Variants in CAMK4 observed in about 807,000 individuals in gnomAD.
CAMK4 encodes the protein calcium/calmodulin dependent protein kinase IV, also known as calcium/calmodulin-dependent protein kinase type IV.
CAMK4 carries 22 observed loss-of-function variants against 44.9 expected under a neutral mutation model. That is an observed-to-expected ratio of 0.49 (90% CI 0.35 to 0.70). The LOEUF (loss-of-function observed/expected upper bound fraction) is 0.70. CAMK4 is among the 30% of genes least tolerant of loss of function. The pLI, the probability that CAMK4 is intolerant of heterozygous loss-of-function variation, is 0.01. For missense variants in CAMK4, 498 were observed against 586.8 expected, an observed-to-expected ratio of 0.85 and a Z score of 1.56; for synonymous variants, 218 against 215.4, an observed-to-expected ratio of 1.01 and a Z score of -0.11.
At chr5:111,406,224 C>CTCTCTG (rs55818377) in intron 5 of CAMK4, among the ~76,000 whole-genome samples, 1 of 148,158 alleles carries the variant, frequency 6.7e-6, no homozygotes, top group East Asian at 2.0e-4. Flanking sequence ...CTCTCTCTCT[C>CTCTCTG]GTTTTTGGTT....
rs767782600 is a variant in CAMK4, at chr5:111,344,014, C to G, written c.162-10C>G. On this transcript the variant is annotated splice_polypyrimidine_tract_variant and intron_variant, in intron 1 of 10. Transcript: ENST00000282356. ...CATAACATTTTCTTTTTGTCTTTTT[C>G]CCCCTCAAGGGGTGCTACATCCATT... is the stretch of plus-strand genomic sequence containing the variant. The G allele has an allele frequency of 6.5e-7, 1 of 1,547,910 alleles. No individual in the cohort carries two copies.
intron 1 of CAMK4, among the ~76,000 whole-genome samples, chr5:111,273,739 A>C (rs12719128): frequency 1.4e-5 from 2 of 140,032 alleles, no homozygotes; most frequent in Admixed American, 7.0e-5. Context: ...ACATACACAC[A>C]CACACGCTCA....
intron 5 of CAMK4, among the ~76,000 whole-genome samples, chr5:111,420,214 G>A (rs942750624): frequency 5.3e-5 from 8 of 152,040 alleles, no homozygotes; most frequent in African/African-American, 1.9e-4. Flanking sequence ...AATTGTGAAT[G>A]GGAGTTCACT....
chr5:111,454,415 C>G (rs998371732), intron 7 of CAMK4, among the ~76,000 whole-genome samples: 1 of 152,060 alleles, frequency 6.6e-6, no homozygotes, highest in African/African-American at 2.4e-5. Flanking sequence ...AAACAGGGCT[C>G]TCCTATAAGT....
At position 111,418,855 on chromosome 5, in the gene CAMK4, T is replaced by A. The variant is rs1038681235; in HGVS notation, c.459+24073T>A. Among the ~76,000 whole-genome samples the A allele has an allele frequency of 2.0e-5, 3 of 152,178 alleles. No homozygotes were observed. The South Asian group carries it at 6.2e-4, about 32-fold the overall frequency. On this transcript the variant is annotated intron_variant, in intron 5 of 10. Transcript: ENST00000282356. ...TCCAGTCTATTGTTGTTGGACATTT[T>A]GGTTGGTTCCAAGTCTTTGCTATTG...
At chr5:111,364,306 CTCTA>C (rs886999408) in intron 2 of CAMK4, among the ~76,000 whole-genome samples, 17 of 152,062 alleles carry the variant, frequency 1.1e-4, no homozygotes, top group Admixed American at 9.9e-4. Context: ...TCTTCTTCTG[CTCTA>C]TCTATCAGGT....
chr5:111,303,667 C>T (rs999765379), intron 1 of CAMK4, among the ~76,000 whole-genome samples: 4 of 143,236 alleles, frequency 2.8e-5, no homozygotes, highest in Non-Finnish European at 5.9e-5. Flanking sequence ...TTGGAAAACA[C>T]TCGGCAGGAT....
At chr5:111,307,999 A>G (rs1397339675) in intron 1 of CAMK4, among the ~76,000 whole-genome samples, 9 of 96,574 alleles carry the variant, frequency 9.3e-5, no homozygotes, top group African/African-American at 4.2e-4. Context: ...CTATCGCAAG[A>G]ACAAAAAACC....
intron 1 of CAMK4, among the ~76,000 whole-genome samples, chr5:111,228,459 C>T (rs1387365878): frequency 6.6e-6 from 1 of 150,908 alleles, no homozygotes; most frequent in East Asian, 1.9e-4. Context: ...TATAGGATCC[C>T]TTGCTATATG....
intron 5 of CAMK4, among the ~76,000 whole-genome samples, chr5:111,414,829 T>C (rs1752761627): frequency 6.6e-6 from 1 of 152,200 alleles, no homozygotes; most frequent in Non-Finnish European, 1.5e-5. Flanking sequence ...ATGAGACCTG[T>C]ATAAATAAAA....
At chr5:111,299,289 G>A (rs903715054) in intron 1 of CAMK4, among the ~76,000 whole-genome samples, 4 of 152,194 alleles carry the variant, frequency 2.6e-5, no homozygotes, top group Admixed American at 2.6e-4. Context: ...GTGCTTGGCT[G>A]GGAGCCACTA....
intron 5 of CAMK4, among the ~76,000 whole-genome samples, chr5:111,436,103 C>A (rs974761730): frequency 6.6e-6 from 1 of 152,022 alleles, no homozygotes; most frequent in South Asian, 2.1e-4. Flanking sequence ...ATAAGGATTG[C>A]TACTGAAAAC....
chr5:111,449,727 C>T (rs1754161499), intron 7 of CAMK4: 1 of 152,286 alleles, frequency 6.6e-6, no homozygotes, highest in Non-Finnish European at 1.5e-5. Context: ...ACGTTGAGCT[C>T]TTCACATCTT....
intron 3 of CAMK4, among the ~76,000 whole-genome samples, chr5:111,375,914 T>C (rs1203374485): frequency 6.6e-6 from 1 of 152,084 alleles, no homozygotes. Context: ...CTGCCAGTTC[T>C]CATAAGAAGA....
At chr5:111,276,067 T>TA (rs1430255148) in intron 1 of CAMK4, among the ~76,000 whole-genome samples, 1 of 152,202 alleles carries the variant, frequency 6.6e-6, no homozygotes, top group Non-Finnish European at 1.5e-5. Context: ...TATTTTCCTC[T>TA]AAAATCCCTC....
At chr5:111,354,615 A>G (rs60933132) in intron 2 of CAMK4, among the ~76,000 whole-genome samples, 4 of 38,414 alleles carry the variant, frequency 1.0e-4, no homozygotes, top group Non-Finnish European at 1.6e-4. Context: ...AGGCTGAGGC[A>G]GGAGAATCAC....
chr5:111,414,381 T>TCAGCAGCAG (rs997332616), intron 5 of CAMK4, among the ~76,000 whole-genome samples: 4 of 151,770 alleles, frequency 2.6e-5, no homozygotes, highest in Admixed American at 1.3e-4. Flanking sequence ...TCTCCACCTC[T>TCAGCAGCAG]CAGCAGCAGC....
intron 1 of CAMK4, among the ~76,000 whole-genome samples, chr5:111,240,014 G>T (rs1315071535): frequency 6.6e-6 from 1 of 152,140 alleles, no homozygotes; most frequent in Non-Finnish European, 1.5e-5. Context: ...TAGTATAACC[G>T]TAAGATTTTC....
intron 4 of CAMK4, among the ~76,000 whole-genome samples, chr5:111,386,846 G>C (rs1452629833): frequency 6.6e-6 from 1 of 152,218 alleles, no homozygotes; most frequent in African/African-American, 2.4e-5. Flanking sequence ...CAGATCTCCA[G>C]ATGTCTGCTA....
Sources: gnomAD v4.1 joint callset for allele counts (sites outside exome capture counted in the v4.1 genomes callset) on GRCh38, gnomAD v4.1.1 for gene constraint, MANE v1.5 for transcripts, NCBI Gene and HGNC (gene_info 2026-07-23, HGNC 2026-07-21) for gene names.